Variants in TGFBI observed in about 807,000 individuals in gnomAD.
TGFBI encodes transforming growth factor beta induced.
In TGFBI, 50 loss-of-function variants were observed where a neutral mutation model predicts 73.7. The observed-to-expected ratio is 0.68, with a 90% confidence interval of 0.54 to 0.86. The LOEUF (loss-of-function observed/expected upper bound fraction) is 0.86, where lower values mean the gene tolerates loss of function less well. Ranked by LOEUF, TGFBI falls within the 40% of genes least tolerant of loss-of-function variation. The pLI is 0.00. For synonymous variants in TGFBI, 362 were observed against 360.5 expected (o/e 1.00, Z -0.05); for missense variants, 839 against 877.0 (o/e 0.96, Z 0.55).
intron 13 of TGFBI, 70 bp downstream of exon 13, chr5:136,059,284 C>A: frequency 6.4e-7 from 1 of 1,572,578 alleles, no homozygotes; most frequent in Non-Finnish European, 8.6e-7. Flanking sequence ...ATCTCACCCC[C>A]AGGATGGAAT....
At chr5:136,046,279 T>A in intron 3 of TGFBI, 56 bp from the exon 4 acceptor site, 1 of 1,598,042 alleles carries the variant, frequency 6.3e-7, no homozygotes, top group Non-Finnish European at 8.6e-7. Context: ...GAAGGGAGGG[T>A]GTGGTTGGGC....
At chr5:136,047,187 G>A (rs891971636) in intron 5 of TGFBI, 87 bp from the exon 6 acceptor site, 2 of 1,574,656 alleles carry the variant, frequency 1.3e-6, no homozygotes, top group Non-Finnish European at 1.7e-6. Context: ...TTGCTACTGT[G>A]TTTGAAAACA....
At chr5:136,059,816 C>T (rs1366253396) in intron 13 of TGFBI, among the ~76,000 whole-genome samples, 1 of 152,224 alleles carries the variant, frequency 6.6e-6, no homozygotes, top group Non-Finnish European at 1.5e-5. Flanking sequence ...GCTCCTCTCT[C>T]TTGGTCTTCA....
rs373145228 is a variant in TGFBI at position 136,046,529 on chromosome 5, A to G, written c.459+34A>G. On this transcript the variant is annotated intron_variant, in intron 4 of 16. Transcript: ENST00000442011. ...ACCTCCGTCTGCCCGGGGGACTCTTATGGGGAACTGCCTTACTTCCCCGAG... is the reference window on the plus strand; with the variant it reads ...ACCTCCGTCTGCCCGGGGGACTCTTGTGGGGAACTGCCTTACTTCCCCGAG... 6 of 1,568,780 alleles carry G rather than the reference A, an allele frequency of 3.8e-6. 1 individual carries two copies. The highest frequency in any genetic ancestry group is 5.2e-6 in the Non-Finnish European group (6 of 1,154,812).
Position 136,056,787 on chromosome 5 carries a change from G to A in TGFBI, c.1670G>A (p.Arg557Lys). 3 of 1,613,400 alleles carry A rather than the reference G, an allele frequency of 1.9e-6. No homozygotes were observed. Among genetic ancestry groups the A allele is most frequent in the Middle Eastern group, 1.7e-4 (1 of 6,054 alleles). Residue 557 changes from arginine to lysine, a missense_variant, in exon 12 of 17, where the codon AGA becomes AAA. Coordinates refer to ENST00000442011, the MANE Select transcript of TGFBI (RefSeq NM_000358.3). ...FRALPPRERS[R>K]LLGDAKELAN... ...GCCCTGCCACCAAGAGAACGGAGCAGACTCTTGGGTAAAGACCAACTTAAG... is the reference window on the plus strand; with the variant it reads ...GCCCTGCCACCAAGAGAACGGAGCAAACTCTTGGGTAAAGACCAACTTAAG...
chr5:136,049,302 G>A lies in TGFBI; in HGVS notation c.772-137G>A, dbSNP rs187527070. 2.7e-3 allele frequency: 3,269 copies of A among 1,217,758 alleles called. 9 individuals are homozygous for A. The highest frequency in any genetic ancestry group is 5.1e-3 in the Middle Eastern group (18 of 3,520). 75.4% of individuals were successfully genotyped at this position (1,217,758 alleles called of 1,614,324 possible). A position where few individuals can be genotyped will look rare whatever the true frequency, so the allele number is the denominator to read the frequency against. On this transcript the variant is annotated intron_variant, in intron 6 of 16. Coordinates refer to ENST00000442011, the MANE Select transcript of TGFBI (RefSeq NM_000358.3). ...GGGGCCATGGTCATGGGTGAGCTTG[G>A]GTTTGGCTTCTGTTTTCGTCTTGGG...
intron 13 of TGFBI, 27 bp downstream of exon 13, chr5:136,059,241 G>C (rs906118299): frequency 2.5e-6 from 4 of 1,605,274 alleles, no homozygotes; most frequent in Non-Finnish European, 3.4e-6. Flanking sequence ...TCAAAGGCTG[G>C]CTAAATTTCC....
intron 2 of TGFBI, among the ~76,000 whole-genome samples, chr5:136,040,004 G>A (rs1751301577): frequency 6.6e-6 from 1 of 152,224 alleles, no homozygotes; most frequent in African/African-American, 2.4e-5. Flanking sequence ...CTGGCCTACA[G>A]GGCCATTCCT....
At chr5:136,036,821 C>G (rs1342384521) in intron 2 of TGFBI, among the ~76,000 whole-genome samples, 1 of 152,196 alleles carries the variant, frequency 6.6e-6, no homozygotes, top group African/African-American at 2.4e-5. Context: ...CAGCAAGACT[C>G]CAGAGAAGGA....
In TGFBI at chr5:136,029,040, C is replaced by T; in HGVS notation, c.-16C>T. ...CCGTCGGTCGCTAGCTCGCTCGGTG[C>T]GCGTCGTCCCGCTCCATGGCGCTCT... On this transcript the variant is annotated 5_prime_UTR_variant, in exon 1 of 17. Coordinates refer to ENST00000442011, the MANE Select transcript of TGFBI (RefSeq NM_000358.3). The T allele has an allele frequency of 1.3e-6, 2 of 1,520,548 alleles. No individual in the cohort carries two copies. The highest frequency in any genetic ancestry group is 1.8e-6 in the Non-Finnish European group (2 of 1,141,174). 94.2% of individuals were successfully genotyped at this position (1,520,548 alleles called of 1,614,324 possible).
At chr5:136,031,417 C>T (rs1459483493) in intron 1 of TGFBI, among the ~76,000 whole-genome samples, 1 of 152,254 alleles carries the variant, frequency 6.6e-6, no homozygotes, top group African/African-American at 2.4e-5. Flanking sequence ...GAAATAACAG[C>T]TGTGCCTTGC....
intron 10 of TGFBI, chr5:136,055,261 C>A (rs766826735): frequency 4.6e-6 from 1 of 217,214 alleles, no homozygotes; most frequent in Non-Finnish European, 9.1e-6. Context: ...TGTTTTCAAA[C>A]CCAACAGTTA....
chr5:136,059,670 T>C (rs2126917070), intron 13 of TGFBI, among the ~76,000 whole-genome samples: 1 of 152,304 alleles, frequency 6.6e-6, no homozygotes, highest in Non-Finnish European at 1.5e-5. Context: ...ATGATATAAC[T>C]TTGTAACTGC....
intron 3 of TGFBI, among the ~76,000 whole-genome samples, chr5:136,044,562 C>A (rs1253501097): frequency 2.0e-5 from 3 of 152,230 alleles, no homozygotes. Flanking sequence ...CCCAAGCCAT[C>A]CCCATCTCCC....
chr5:136,052,078 G>T (rs1023094663), intron 7 of TGFBI, among the ~76,000 whole-genome samples: 2 of 152,188 alleles, frequency 1.3e-5, no homozygotes, highest in Admixed American at 6.5e-5. Context: ...GTTGGGGGGG[G>T]CTCCTCCTCC....
chr5:136,060,318 G>C (rs760526577), intron 13 of TGFBI, among the ~76,000 whole-genome samples: 1 of 152,226 alleles, frequency 6.6e-6, no homozygotes, highest in African/African-American at 2.4e-5. Flanking sequence ...ATCCACACAG[G>C]AGATTTGAAT....
chr5:136,056,555 C>A, intron 11 of TGFBI, 110 bp from the exon 12 acceptor site: 1 of 1,451,906 alleles, frequency 6.9e-7, no homozygotes. Context: ...GTGGCCTGGA[C>A]TCTACTATCC....
intron 3 of TGFBI, 124 bp downstream of exon 3, chr5:136,044,246 C>T: frequency 2.5e-6 from 2 of 799,594 alleles, no homozygotes; most frequent in South Asian, 1.6e-5. Flanking sequence ...ATGGCATTCT[C>T]CCCACGTGCC....
At chr5:136,034,184 A>T (rs1302082183) in intron 2 of TGFBI, among the ~76,000 whole-genome samples, 1 of 152,118 alleles carries the variant, frequency 6.6e-6, no homozygotes, top group Non-Finnish European at 1.5e-5. Flanking sequence ...GCAGTGGAGA[A>T]GCCACCAGCA....
Sources: gnomAD v4.1 joint callset for allele counts (sites outside exome capture counted in the v4.1 genomes callset) on GRCh38, gnomAD v4.1.1 for gene constraint, MANE v1.5 for transcripts, NCBI Gene and HGNC (gene_info 2026-07-23, HGNC 2026-07-21) for gene names.